EEFSEC: variants seen among roughly 807,000 people sequenced by gnomAD.
EEFSEC encodes selenocysteine-specific elongation factor.
A neutral mutation model predicts 42.1 loss-of-function variants in EEFSEC; 43 were observed. The observed-to-expected ratio is 1.02, with a 90% CI of 0.80 to 1.32. The LOEUF is 1.32. EEFSEC is among the 40% of genes most tolerant of loss of function. The probability of loss-of-function intolerance (pLI) is 0.00; values close to 1 mark genes in which losing one functional copy is unlikely to be tolerated. For missense variants in EEFSEC, 745 were observed against 803.6 expected (o/e 0.93, Z 0.88); for synonymous variants, 354 against 339.1 (o/e 1.04, Z -0.48).
chr3:128,310,885 T>C (rs1247581486), intron 4 of EEFSEC, among the ~76,000 whole-genome samples: 3 of 152,198 alleles, frequency 2.0e-5, no homozygotes, highest in African/African-American at 4.8e-5. Context: ...CCTCAGCTGG[T>C]CTCAGCAGTA....
At chr3:128,382,334 G>A (rs1422995490) in intron 6 of EEFSEC, among the ~76,000 whole-genome samples, 1 of 152,264 alleles carries the variant, frequency 6.6e-6, no homozygotes, top group Non-Finnish European at 1.5e-5. Context: ...CGTGCAGGGA[G>A]AGGCAACCCT....
chr3:128,332,697 G>A (rs538419387), intron 4 of EEFSEC, among the ~76,000 whole-genome samples: 8 of 152,184 alleles, frequency 5.3e-5, no homozygotes, highest in African/African-American at 1.7e-4. Flanking sequence ...GTTCCCTCTC[G>A]CAGCCCCAGA....
chr3:128,286,998 G>T (rs2066592840), intron 4 of EEFSEC, among the ~76,000 whole-genome samples: 2 of 152,168 alleles, frequency 1.3e-5, no homozygotes, highest in South Asian at 2.1e-4. Context: ...CCTGTCACCA[G>T]CATTCACTCA....
the EEFSEC span, among the ~76,000 whole-genome samples, chr3:128,418,524 C>T: frequency 6.6e-6 from 1 of 151,862 alleles, no homozygotes. Context: ...TCCCTGGGAT[C>T]ACACCTTAGC....
chr3:128,372,010 A>G (rs1181461323), intron 6 of EEFSEC, among the ~76,000 whole-genome samples: 1 of 152,212 alleles, frequency 6.6e-6, no homozygotes, highest in East Asian at 1.9e-4. Context: ...CAGTGAATGC[A>G]ACTTTTCTTT....
chr3:128,404,383 C>G (rs1407788511), intron 6 of EEFSEC, among the ~76,000 whole-genome samples: 3 of 152,230 alleles, frequency 2.0e-5, no homozygotes, highest in Non-Finnish European at 2.9e-5. Context: ...CCGGGCAGTG[C>G]GAGGTATGCA....
At chr3:128,182,906 A>G (rs2065426798) in intron 1 of EEFSEC, among the ~76,000 whole-genome samples, 3 of 127,126 alleles carry the variant, frequency 2.4e-5, no homozygotes, top group African/African-American at 1.1e-4. Context: ...TGGTTGGTCT[A>G]GTAGTGGGGG....
chr3:128,258,133 T>A (rs1296523161), intron 2 of EEFSEC, among the ~76,000 whole-genome samples: 2 of 152,206 alleles, frequency 1.3e-5, no homozygotes, highest in Non-Finnish European at 2.9e-5. Flanking sequence ...AATTGGTCTA[T>A]GTGCAGGTCA....
At position 128,341,240 on chromosome 3, in the gene EEFSEC, A is replaced by G. The variant is rs762999784; in HGVS notation, c.794A>G (p.Lys265Arg). 4.4e-6 allele frequency: 7 copies of G among 1,604,830 alleles called. No homozygotes were observed. Among genetic ancestry groups the G allele is most frequent in the Admixed American group, 1.7e-5 (1 of 59,504 alleles). The stretch of plus-strand genomic sequence containing the variant: ...TTGCTTACTCCCCATCAGGTGGTGA[A>G]GAAGGTGAAGTCCATGCAGATGTTC... ...SVEIPALKVVKKVKSMQMFHM... is the reference protein window; with the variant it reads ...SVEIPALKVVRKVKSMQMFHM... The change falls in exon 5 of 7, where the codon AAG (lysine) becomes AGG (arginine). Residue 265 changes from lysine (K) to arginine (R), a missense_variant. By Grantham distance (26) the Lys-to-Arg change is conservative. Coordinates refer to ENST00000254730, the MANE Select transcript of EEFSEC (RefSeq NM_021937.5).
intron 1 of EEFSEC, among the ~76,000 whole-genome samples, chr3:128,215,483 C>T (rs566354740): frequency 1.8e-4 from 27 of 152,104 alleles, no homozygotes; most frequent in Non-Finnish European, 2.8e-4. Flanking sequence ...CCTTGGACAG[C>T]GTTGATGGAT....
intron 2 of EEFSEC, among the ~76,000 whole-genome samples, chr3:128,260,465 C>G (rs2066285845): frequency 6.6e-6 from 1 of 152,076 alleles, no homozygotes; most frequent in Non-Finnish European, 1.5e-5. Context: ...AAACAATTGC[C>G]TCTGATTATT....
intron 1 of EEFSEC, among the ~76,000 whole-genome samples, chr3:128,234,921 G>T (rs1277904591): frequency 6.6e-6 from 1 of 152,214 alleles, no homozygotes; most frequent in African/African-American, 2.4e-5. Context: ...TAAGCTCAGT[G>T]CCTGTTACTG....
intron 6 of EEFSEC, among the ~76,000 whole-genome samples, chr3:128,365,062 A>C (rs557782147): frequency 2.0e-5 from 3 of 152,288 alleles, no homozygotes; most frequent in Admixed American, 2.0e-4. Flanking sequence ...CTGGGGTTCC[A>C]GCTGGTAGCC....
At chr3:128,259,780 C>A (rs1465456078) in intron 2 of EEFSEC, among the ~76,000 whole-genome samples, 1 of 152,198 alleles carries the variant, frequency 6.6e-6, no homozygotes, top group Non-Finnish European at 1.5e-5. Flanking sequence ...TTTCACCTAG[C>A]ACAGTGTTTT....
At chr3:128,213,874 C>G (rs2065783840) in intron 1 of EEFSEC, among the ~76,000 whole-genome samples, 2 of 152,100 alleles carry the variant, frequency 1.3e-5, no homozygotes, top group Non-Finnish European at 2.9e-5. Context: ...AGGCAAGACT[C>G]TCCAAGAATG....
At chr3:128,368,530 A>G (rs1036899159) in intron 6 of EEFSEC, among the ~76,000 whole-genome samples, 1 of 152,208 alleles carries the variant, frequency 6.6e-6, no homozygotes, top group East Asian at 1.9e-4. Context: ...AGGAGTTTTA[A>G]AAAACAATAA....
At chr3:128,388,607 CTGAG>C (rs1421996871) in intron 6 of EEFSEC, among the ~76,000 whole-genome samples, 1 of 152,246 alleles carries the variant, frequency 6.6e-6, no homozygotes, top group Non-Finnish European at 1.5e-5. Flanking sequence ...CCTGAGTTTG[CTGAG>C]TGAGGCCACT....
At chr3:128,211,279 G>A (rs1229359447) in intron 1 of EEFSEC, among the ~76,000 whole-genome samples, 1 of 151,956 alleles carries the variant, frequency 6.6e-6, no homozygotes, top group African/African-American at 2.4e-5. Flanking sequence ...TTAGAGACAG[G>A]GTCTTGCTCT....
chr3:128,401,996 C>G (rs1319981754), intron 6 of EEFSEC, among the ~76,000 whole-genome samples: 1 of 152,210 alleles, frequency 6.6e-6, no homozygotes, highest in African/African-American at 2.4e-5. Context: ...CCTCCCTCCC[C>G]TCCCCGGCTC....
Sources: gnomAD v4.1 joint callset for allele counts (sites outside exome capture counted in the v4.1 genomes callset) on GRCh38, gnomAD v4.1.1 for gene constraint, MANE v1.5 for transcripts, NCBI Gene and HGNC (gene_info 2026-07-23, HGNC 2026-07-21) for gene names.